The following TDP1 variants were observed in gnomAD, a reference collection of about 807,000 sequenced individuals.
TDP1 encodes the protein tyrosyl-DNA phosphodiesterase 1.
In TDP1, 64 loss-of-function variants were observed where a neutral mutation model predicts 81.5. The observed-to-expected ratio is 0.79, with a 90% CI of 0.64 to 0.97. The LOEUF (loss-of-function observed/expected upper bound fraction) is 0.97, where lower values mean the gene tolerates loss of function less well. Ranked by LOEUF, TDP1 falls within the 50% of genes least tolerant of loss-of-function variation. TDP1 has a pLI of 0.00. For synonymous variants in TDP1, 256 were observed against 264.3 expected (o/e 0.97, Z 0.30); for missense variants, 723 against 743.8 (o/e 0.97, Z 0.33).
chr14:89,972,636 G>A (rs17126514), intron 6 of TDP1, among the ~76,000 whole-genome samples: 14,486 of 152,136 alleles, frequency 0.095, 1,774 homozygotes, highest in African/African-American at 0.28. Context: ...TACACGTGGC[G>A]CATTTTGAGC....
At chr14:90,020,354 T>TCCTCCCTCCCTCCCTCCCTCCCTCCCTG (rs200030327) in intron 15 of TDP1, among the ~76,000 whole-genome samples, 1 of 128,326 alleles carries the variant, frequency 7.8e-6, no homozygotes, top group African/African-American at 3.9e-5. Flanking sequence ...CTTCCTCCCT[T>TCCTCCCTCCCTCCCTCCCTCCCTCCCTG]CCTCCCTCCC....
At chr14:89,988,241 G>A (rs1349249310) in intron 10 of TDP1, among the ~76,000 whole-genome samples, 2 of 152,120 alleles carry the variant, frequency 1.3e-5, no homozygotes, top group East Asian at 3.8e-4. Context: ...CTGTCCTTTT[G>A]GGTTTTTAAT....
At chr14:89,986,545 ATGTT>A (rs746384325) in intron 10 of TDP1, among the ~76,000 whole-genome samples, 7 of 152,354 alleles carry the variant, frequency 4.6e-5, no homozygotes, top group East Asian at 1.9e-4. Context: ...GTTCAACTGT[ATGTT>A]AAGAGTTTTC....
At chr14:89,985,928 G>C (rs1369245504) in intron 10 of TDP1, among the ~76,000 whole-genome samples, 1 of 152,222 alleles carries the variant, frequency 6.6e-6, no homozygotes, top group Non-Finnish European at 1.5e-5. Context: ...TCGGGAGGCT[G>C]AGGCAGGAGA....
At position 89,989,065 on chromosome 14, in the gene TDP1, G is replaced by A; in HGVS notation, c.1292G>A (p.Gly431Glu). The change falls in exon 11 of 17, where the codon GGA (glycine) becomes GAA (glutamate). Residue 431 changes from glycine (G) to glutamate (E), a missense_variant. Physicochemically the swap from Gly to Glu is moderately conservative, Grantham distance 98. Coordinates refer to ENST00000335725, the MANE Select transcript of TDP1 (RefSeq NM_018319.4). ...LTLGKESKTPGKSSVPLYLIY... is the reference protein window; with the variant it reads ...LTLGKESKTPEKSSVPLYLIY... ...CTGGGGAAGGAAAGCAAGACTCCAG[G>A]AAAAAGCTCTGTTCCTCTTTACTTG... The A allele has an allele frequency of 1.2e-6, 2 of 1,614,034 alleles. No homozygotes were observed. Among genetic ancestry groups the A allele is most frequent in the African/African-American group, 1.3e-5 (1 of 75,026 alleles).
intron 14 of TDP1, among the ~76,000 whole-genome samples, chr14:90,002,620 A>T (rs1356371283): frequency 6.6e-6 from 1 of 151,866 alleles, no homozygotes; most frequent in Non-Finnish European, 1.5e-5. Context: ...ATGTAATCCC[A>T]GCACTTTGGG....
At chr14:89,977,784 G>T (rs1316402541) in intron 7 of TDP1, among the ~76,000 whole-genome samples, 3 of 152,138 alleles carry the variant, frequency 2.0e-5, no homozygotes, top group Non-Finnish European at 4.4e-5. Context: ...CACCTCACAG[G>T]GTAGAGCTAG....
In TDP1 at chr14:90,043,219, T is replaced by C; in HGVS notation, c.*76T>C. ...TGGAATCTCTTCTTTGTACTGGATGTCCACTTCCCTTAAAGTCTTATTTGC... is the reference window on the plus strand; with the variant it reads ...TGGAATCTCTTCTTTGTACTGGATGCCCACTTCCCTTAAAGTCTTATTTGC... On this transcript the variant is annotated 3_prime_UTR_variant, in exon 17 of 17. Coordinates refer to ENST00000335725, the MANE Select transcript of TDP1 (RefSeq NM_018319.4). 6.3e-7 allele frequency: 1 copy of C among 1,579,902 alleles called. No individual in the cohort carries two copies. Among genetic ancestry groups the C allele is most frequent in the African/African-American group, 1.4e-5 (1 of 73,644 alleles).
At chr14:90,016,148 G>A (rs1426795011) in intron 14 of TDP1, among the ~76,000 whole-genome samples, 2 of 151,506 alleles carry the variant, frequency 1.3e-5, no homozygotes, top group South Asian at 2.1e-4. Flanking sequence ...GGGTTCAAGC[G>A]ATTCTCCTGC....
intron 10 of TDP1, among the ~76,000 whole-genome samples, chr14:89,986,725 T>C (rs929554592): frequency 6.6e-6 from 1 of 152,186 alleles, no homozygotes; most frequent in Admixed American, 6.5e-5. Flanking sequence ...AAACTGGGTG[T>C]TGTAAGTTGT....
chr14:90,025,478 C>G (rs1566921620), intron 15 of TDP1, among the ~76,000 whole-genome samples: 1 of 152,074 alleles, frequency 6.6e-6, no homozygotes, highest in Non-Finnish European at 1.5e-5. Context: ...AATAGCTTCC[C>G]CTTTGACTAA....
intron 14 of TDP1, among the ~76,000 whole-genome samples, chr14:89,998,420 A>ATATATATATATGTATGTATG (rs1566891293): frequency 2.5e-5 from 2 of 79,284 alleles, no homozygotes; most frequent in Non-Finnish European, 2.4e-5. Context: ...ATATATATAT[A>ATATATATATATGTATGTATG]TATGTATGTA....
chr14:90,000,533 CG>C (rs1897098080), intron 14 of TDP1, among the ~76,000 whole-genome samples: 1 of 152,036 alleles, frequency 6.6e-6, no homozygotes, highest in Non-Finnish European at 1.5e-5. Flanking sequence ...TACAGGCATG[CG>C]CCACCAGACC....
At chr14:90,033,608 T>C in intron 16 of TDP1, 1 of 264,596 alleles carries the variant, frequency 3.8e-6, no homozygotes, top group South Asian at 4.4e-5. Context: ...AAGACTGTTT[T>C]ATAATAAATT....
Position 89,989,107 on chromosome 14 carries a change from A to C in TDP1, c.1317+17A>C, listed in dbSNP as rs769573318. The C allele has an allele frequency of 7.5e-6, 12 of 1,591,620 alleles. No homozygotes were observed. The highest frequency in any genetic ancestry group is 1.0e-5 in the Non-Finnish European group (12 of 1,166,028). Reference sequence around the variant, plus strand: ...CTTTACTTGGTGAGTTCTCGTCCTCATTGAGGTAGTTTACTTTTATTCTCT... The same window carrying C: ...CTTTACTTGGTGAGTTCTCGTCCTCCTTGAGGTAGTTTACTTTTATTCTCT... On this transcript the variant is annotated intron_variant, in intron 11 of 16. Transcript: ENST00000335725.
At chr14:90,030,629 TATAAAG>T (rs1343737924) in intron 15 of TDP1, among the ~76,000 whole-genome samples, 1 of 152,208 alleles carries the variant, frequency 6.6e-6, no homozygotes, top group Non-Finnish European at 1.5e-5. Flanking sequence ...TGCAGAAACT[TATAAAG>T]GAAGCAGGAA....
chr14:89,968,266 G>A (rs1046702269), intron 5 of TDP1, among the ~76,000 whole-genome samples: 1 of 151,622 alleles, frequency 6.6e-6, no homozygotes, highest in Non-Finnish European at 1.5e-5. Context: ...TTTCCAGCGT[G>A]ACACATTCAG....
intron 14 of TDP1, among the ~76,000 whole-genome samples, chr14:90,018,434 C>G (rs377216473): frequency 2.0e-5 from 3 of 152,100 alleles, no homozygotes; most frequent in South Asian, 4.1e-4. Context: ...AGTTCAGTGT[C>G]CAGTCTCCTT....
At chr14:90,017,435 G>T (rs1165848057) in intron 14 of TDP1, among the ~76,000 whole-genome samples, 4 of 152,158 alleles carry the variant, frequency 2.6e-5, no homozygotes, top group Non-Finnish European at 5.9e-5. Context: ...AGTTTCTAAG[G>T]TTCCAAATGC....
Sources: gnomAD v4.1 joint callset for allele counts (sites outside exome capture counted in the v4.1 genomes callset) on GRCh38, gnomAD v4.1.1 for gene constraint, MANE v1.5 for transcripts, NCBI Gene and HGNC (gene_info 2026-07-23, HGNC 2026-07-21) for gene names.